CDH4: variants seen among roughly 807,000 people sequenced by gnomAD.
CDH4 encodes cadherin 4, also known as cadherin-4.
A neutral mutation model predicts 86.0 loss-of-function variants in CDH4; 33 were observed. The ratio of observed to expected loss-of-function variants is 0.38; its 90% confidence interval spans 0.29 to 0.51. The LOEUF is 0.51. Among genes scored for constraint, CDH4 ranks in the 20% least tolerant of loss-of-function variants. The probability of loss-of-function intolerance (pLI) is 0.86; values close to 1 mark genes in which losing one functional copy is unlikely to be tolerated. For missense variants in CDH4, 1,114 were observed against 1,307.4 expected (o/e 0.85, Z 2.28); for synonymous variants, 555 against 549.4 (o/e 1.01, Z -0.14).
intron 2 of CDH4, among the ~76,000 whole-genome samples, chr20:61,619,325 C>T (rs143764779): frequency 2.0e-3 from 312 of 152,352 alleles, no homozygotes; most frequent in African/African-American, 5.8e-3. Context: ...TCTGTGCTTC[C>T]TGCTATGTGA....
At chr20:61,692,181 ATG>A (rs1321285816) in intron 2 of CDH4, among the ~76,000 whole-genome samples, 1 of 127,184 alleles carries the variant, frequency 7.9e-6, no homozygotes, top group Non-Finnish European at 1.9e-5. Context: ...ATGTGTTTAT[ATG>A]TGTCTGTATA....
intron 3 of CDH4, among the ~76,000 whole-genome samples, chr20:61,766,547 C>G (rs923836601): frequency 2.0e-5 from 3 of 152,200 alleles, no homozygotes; most frequent in African/African-American, 7.2e-5. Context: ...ACATTCACCC[C>G]ACACCTGGCA....
At chr20:61,660,764 C>A (rs2087245121) in intron 2 of CDH4, among the ~76,000 whole-genome samples, 1 of 152,248 alleles carries the variant, frequency 6.6e-6, no homozygotes, top group East Asian at 1.9e-4. Flanking sequence ...TTGCTTTATA[C>A]CTGGTTGTTA....
intron 8 of CDH4, among the ~76,000 whole-genome samples, chr20:61,903,799 C>T (rs6061884): frequency 0.031 from 4,725 of 152,188 alleles, 243 homozygotes; most frequent in African/African-American, 0.11. Context: ...GCCTCAGTTT[C>T]GTTACCTGCA....
At chr20:61,860,550 A>G (rs1333367614) in intron 6 of CDH4, among the ~76,000 whole-genome samples, 2 of 152,050 alleles carry the variant, frequency 1.3e-5, no homozygotes, top group Non-Finnish European at 2.9e-5. Context: ...CTCCCAGGAG[A>G]TGTCTGGGAG....
At chr20:61,548,436 C>T (rs1362398288) in intron 2 of CDH4, among the ~76,000 whole-genome samples, 1 of 152,118 alleles carries the variant, frequency 6.6e-6, no homozygotes, top group Non-Finnish European at 1.5e-5. Flanking sequence ...AGAAGGAGAG[C>T]AGCAGTGTGT....
intron 2 of CDH4, among the ~76,000 whole-genome samples, chr20:61,430,942 C>T (rs376950764): frequency 4.8e-4 from 73 of 152,320 alleles, no homozygotes; most frequent in African/African-American, 1.6e-3. Context: ...AGGGTGTCAT[C>T]GGCAAGAATT....
intron 2 of CDH4, among the ~76,000 whole-genome samples, chr20:61,288,651 G>C (rs961069402): frequency 1.3e-3 from 199 of 152,348 alleles, no homozygotes; most frequent in African/African-American, 4.6e-3. Context: ...CTGCTGCAAG[G>C]AGAGGGAGCA....
chr20:61,503,501 T>C (rs1335278953), intron 2 of CDH4, among the ~76,000 whole-genome samples: 1 of 152,240 alleles, frequency 6.6e-6, no homozygotes, highest in Non-Finnish European at 1.5e-5. Context: ...GGATCATGAA[T>C]GCTGAAGAGT....
chr20:61,407,604 A>AATG (rs2085091396), intron 2 of CDH4, among the ~76,000 whole-genome samples: 2 of 152,228 alleles, frequency 1.3e-5, no homozygotes, highest in Admixed American at 6.5e-5. Flanking sequence ...AATTATACTC[A>AATG]ACTGGGTATT....
At chr20:61,257,015 C>T (rs2084102277) in intron 2 of CDH4, among the ~76,000 whole-genome samples, 1 of 152,184 alleles carries the variant, frequency 6.6e-6, no homozygotes, top group African/African-American at 2.4e-5. Context: ...AACTACAAGA[C>T]CACAGTGAGG....
Position 61,708,254 on chromosome 20 carries a change from G to A in CDH4, c.170-35309G>A, listed in dbSNP as rs2087853438. Among the ~76,000 whole-genome samples, 2 of 152,086 alleles carry A rather than the reference G, an allele frequency of 1.3e-5. No individual in the cohort carries two copies. The highest frequency in any genetic ancestry group is 2.1e-4 in the South Asian group (1 of 4,814). On this transcript the variant is annotated intron_variant, in intron 2 of 15. Coordinates refer to ENST00000614565, the MANE Select transcript of CDH4 (RefSeq NM_001794.5). This position sits in a 1 kb window ranked among gnomAD's most constrained non-coding sequence, Gnocchi z 4.5. The stretch of plus-strand genomic sequence containing the variant: ...GCTGAGTGTAGCGTGGCCAGCAGGG[G>A]GTTGACTTTTACCCCGAACCAGATG...
chr20:61,615,773 T>C (rs552940313), intron 2 of CDH4, among the ~76,000 whole-genome samples: 18 of 152,316 alleles, frequency 1.2e-4, no homozygotes, highest in Admixed American at 8.5e-4. Flanking sequence ...AAAGTGAGGG[T>C]AACTGAATCT....
chr20:61,721,945 G>T (rs2088047050), intron 2 of CDH4, among the ~76,000 whole-genome samples: 1 of 152,072 alleles, frequency 6.6e-6, no homozygotes, highest in Non-Finnish European at 1.5e-5. Flanking sequence ...AGAGAAATGG[G>T]GTGTGCTGGA....
chr20:61,493,744 G>T (rs369583605), intron 2 of CDH4, among the ~76,000 whole-genome samples: 10 of 152,292 alleles, frequency 6.6e-5, no homozygotes, highest in South Asian at 6.2e-4. Flanking sequence ...TTCTTGGATG[G>T]TAATGCAGGT....
At chr20:61,859,938 T>C (rs1983240062) in intron 6 of CDH4, among the ~76,000 whole-genome samples, 1 of 152,268 alleles carries the variant, frequency 6.6e-6, no homozygotes, top group African/African-American at 2.4e-5. Context: ...TCTGCCATGC[T>C]GTCCACGGCA....
At chr20:61,649,803 G>A (rs939977811) in intron 2 of CDH4, among the ~76,000 whole-genome samples, 1 of 152,208 alleles carries the variant, frequency 6.6e-6, no homozygotes, top group East Asian at 1.9e-4. Flanking sequence ...CAGTCCCTTG[G>A]CCCTGGACTC....
intron 2 of CDH4, among the ~76,000 whole-genome samples, chr20:61,504,599 G>T (rs2085727309): frequency 6.6e-6 from 1 of 152,200 alleles, no homozygotes; most frequent in Admixed American, 6.5e-5. Context: ...GCGCAGACAC[G>T]TGTGGTGGCT....
chr20:61,577,390 T>C (rs2086390255), intron 2 of CDH4, among the ~76,000 whole-genome samples: 1 of 152,022 alleles, frequency 6.6e-6, no homozygotes, highest in African/African-American at 2.4e-5. Flanking sequence ...GATGTTTGTA[T>C]ATTGAAGGAT....
Sources: gnomAD v4.1 joint callset for allele counts (sites outside exome capture counted in the v4.1 genomes callset) on GRCh38, gnomAD v4.1.1 for gene constraint, Gnocchi (gnomAD v3.1) non-coding constraint, MANE v1.5 for transcripts, NCBI Gene and HGNC (gene_info 2026-07-23, HGNC 2026-07-21) for gene names.